FBXO34: variants seen among roughly 807,000 people sequenced by gnomAD.
The protein encoded by FBXO34 is F-box only protein 34.
In FBXO34, 12 loss-of-function variants were observed where a neutral mutation model predicts 24.5. The ratio of observed to expected loss-of-function variants is 0.49; its 90% CI spans 0.31 to 0.79. The LOEUF (loss-of-function observed/expected upper bound fraction) is 0.79, where lower values mean the gene tolerates loss of function less well. FBXO34 is among the 30% of genes least tolerant of loss of function. The pLI, the probability that FBXO34 is intolerant of heterozygous loss-of-function variation, is 0.04. For missense variants in FBXO34, 823 were observed against 857.7 expected (o/e 0.96, Z 0.51); for synonymous variants, 320 against 311.9 (o/e 1.03, Z -0.27).
At chr14:55,277,403 A>T (rs1490393922) in intron 1 of FBXO34, among the ~76,000 whole-genome samples, 1 of 152,170 alleles carries the variant, frequency 6.6e-6, no homozygotes, top group Non-Finnish European at 1.5e-5. Flanking sequence ...TCACTGTAAC[A>T]TTGAGCTCCT....
At chr14:55,336,489 A>T (rs1034963062) in intron 1 of FBXO34, among the ~76,000 whole-genome samples, 1 of 152,228 alleles carries the variant, frequency 6.6e-6, no homozygotes, top group African/African-American at 2.4e-5. Context: ...CTGTATGTAC[A>T]TAATGAACAT....
chr14:55,345,677 C>T (rs1884137018), intron 1 of FBXO34, among the ~76,000 whole-genome samples: 2 of 152,184 alleles, frequency 1.3e-5, no homozygotes, highest in Admixed American at 6.5e-5. Context: ...ATACCAGTGT[C>T]TAGCCCAGAG....
At chr14:55,364,727 CTTTTTTT>C (rs534426436), downstream of FBXO34, among the ~76,000 whole-genome samples, 26,371 of 129,978 alleles carry the variant, frequency 0.2, 2,522 homozygotes, top group East Asian at 0.25. Flanking sequence ...CAGTGCCCAA[CTTTTTTT>C]TTTTTTTTTT....
intron 1 of FBXO34, among the ~76,000 whole-genome samples, chr14:55,305,413 C>CAAA (rs200938451): frequency 4.7e-5 from 4 of 84,524 alleles, no homozygotes; most frequent in Non-Finnish European, 7.5e-5. Context: ...GACTGCATCT[C>CAAA]AAAAAAAAAA....
intron 1 of FBXO34, among the ~76,000 whole-genome samples, chr14:55,280,616 T>A (rs1425252784): frequency 2.7e-5 from 4 of 146,456 alleles, no homozygotes; most frequent in Non-Finnish European, 5.9e-5. Context: ...AAGCTCCGCC[T>A]CCCAGGTTCA....
At chr14:55,296,391 GTTTTTTTTTTTTT>G (rs1167344634) in intron 1 of FBXO34, among the ~76,000 whole-genome samples, 1 of 64,764 alleles carries the variant, frequency 1.5e-5, no homozygotes, top group East Asian at 6.0e-4. Context: ...TGTTTTTTTT[GTTTTTTTTTTTTT>G]TTTTTTTTTT....
downstream of FBXO34, chr14:55,369,498 AAAC>A (rs1361213101): frequency 6.7e-6 from 7 of 1,042,504 alleles, no homozygotes; most frequent in African/African-American, 9.5e-5. Context: ...AGACAAAACA[AAAC>A]AACACTTTAA....
At chr14:55,417,049 G>T in the FBXO34 span, among the ~76,000 whole-genome samples, 2 of 152,212 alleles carry the variant, frequency 1.3e-5, no homozygotes, top group Non-Finnish European at 2.9e-5. Flanking sequence ...CCCCTGGGGG[G>T]CGCCCTTTCC....
In FBXO34 at chr14:55,324,621, T is replaced by C. The variant is rs542397363; in HGVS notation, c.-10-25760T>C. On this transcript the variant is annotated intron_variant, in intron 1 of 1. Transcript: ENST00000313833. ...TTGCAAGTAATGATAGATTTTTTTT[T>C]CTCAGTAATATGATAGCTGGCATCT... Among the ~76,000 whole-genome samples the C allele has an allele frequency of 1.3e-4, 20 of 152,298 alleles. 1 individual carries two copies. The South Asian group carries it at 2.5e-3, about 19-fold the overall frequency.
the FBXO34 span, among the ~76,000 whole-genome samples, chr14:55,375,284 C>G: frequency 6.6e-6 from 1 of 152,064 alleles, no homozygotes; most frequent in Non-Finnish European, 1.5e-5. Flanking sequence ...AATTTCCAAA[C>G]TGGTTGTTGT....
the FBXO34 span, among the ~76,000 whole-genome samples, chr14:55,402,684 T>C: frequency 6.6e-6 from 1 of 151,282 alleles, no homozygotes; most frequent in Non-Finnish European, 1.5e-5. Flanking sequence ...TTTTTAACTT[T>C]ATGTTAGAAT....
the FBXO34 span, among the ~76,000 whole-genome samples, chr14:55,437,429 G>T: frequency 2.0e-5 from 3 of 152,256 alleles, no homozygotes; most frequent in South Asian, 6.2e-4. Context: ...AGTGAGTCGA[G>T]ATCATGCTAC....
chr14:55,276,473 A>G (rs1361741745), intron 1 of FBXO34, among the ~76,000 whole-genome samples: 1 of 152,042 alleles, frequency 6.6e-6, no homozygotes, highest in East Asian at 1.9e-4. Context: ...ATTATTAACT[A>G]TTTGTTTACT....
the FBXO34 span, among the ~76,000 whole-genome samples, chr14:55,417,441 T>A: frequency 7.7e-6 from 1 of 130,688 alleles, no homozygotes; most frequent in African/African-American, 3.0e-5. Context: ...TCCAATGAGA[T>A]GACCCTTGCC....
chr14:55,407,409 G>A, the FBXO34 span, among the ~76,000 whole-genome samples: 2 of 151,832 alleles, frequency 1.3e-5, no homozygotes, highest in African/African-American at 4.8e-5. Context: ...GATTACAGGC[G>A]TGAGCCACTG....
chr14:55,378,633 T>C, the FBXO34 span, among the ~76,000 whole-genome samples: 2 of 151,832 alleles, frequency 1.3e-5, no homozygotes, highest in Non-Finnish European at 2.9e-5. Flanking sequence ...CTCCCTCAGT[T>C]CCCCTATGAT....
At chr14:55,362,305 AACAATT>A (rs1204943921), downstream of FBXO34, among the ~76,000 whole-genome samples, 11 of 152,330 alleles carry the variant, frequency 7.2e-5, no homozygotes, top group African/African-American at 2.6e-4. Flanking sequence ...GGGCCTCCAA[AACAATT>A]ACAATAGTAA....
At chr14:55,329,040 G>A (rs1883445665) in intron 1 of FBXO34, among the ~76,000 whole-genome samples, 1 of 151,524 alleles carries the variant, frequency 6.6e-6, no homozygotes, top group Non-Finnish European at 1.5e-5. Flanking sequence ...AATCAATCCT[G>A]TTGCAGAATG....
chr14:55,430,366 C>T, the FBXO34 span, among the ~76,000 whole-genome samples: 1 of 146,274 alleles, frequency 6.8e-6, no homozygotes, highest in Non-Finnish European at 1.5e-5. Context: ...ACATGTGTCA[C>T]CTCATTTAAT....
Sources: gnomAD v4.1 joint callset for allele counts (sites outside exome capture counted in the v4.1 genomes callset) on GRCh38, gnomAD v4.1.1 for gene constraint, MANE v1.5 for transcripts, NCBI Gene and HGNC (gene_info 2026-07-23, HGNC 2026-07-21) for gene names.